LCORL: variants seen among roughly 807,000 people sequenced by gnomAD.
The protein encoded by LCORL is ligand-dependent nuclear receptor corepressor-like protein.
Under a neutral mutation model 141.8 loss-of-function variants are expected in LCORL, and 41 were observed. The ratio of observed to expected loss-of-function variants is 0.29; its 90% CI spans 0.23 to 0.38. The LOEUF is 0.38. Among genes scored for constraint, LCORL ranks in the 10% least tolerant of loss-of-function variants. The pLI, the probability that LCORL is intolerant of heterozygous loss-of-function variation, is 1.00. For missense variants in LCORL, 1,759 were observed against 2,035.0 expected (o/e 0.86, Z 2.61); for synonymous variants, 618 against 694.1 (o/e 0.89, Z 1.72).
intron 7 of LCORL, among the ~76,000 whole-genome samples, chr4:17,847,640 A>C (rs1723090385): frequency 6.6e-6 from 1 of 152,224 alleles, no homozygotes; most frequent in South Asian, 2.1e-4. Context: ...AAGAGATCCA[A>C]AGTACAGTAT....
rs1288965711 is a variant in LCORL, at chr4:18,021,701, G to A, written c.51C>T (p.Ala17=). 1.3e-6 allele frequency: 2 copies of A among 1,529,614 alleles called. No homozygotes were observed. Among genetic ancestry groups the A allele is most frequent in the East Asian group, 2.5e-5 (1 of 39,848 alleles). The allele number at this position is 1,529,614 out of a possible 1,614,324, so 94.8% of individuals were successfully genotyped here. Residue 17 remains alanine, a synonymous_variant, in exon 1 of 8, where the codon GCC becomes GCT. Transcript: ENST00000635767. The surrounding 1 kb of genome is among the most constrained non-coding windows in gnomAD (Gnocchi z 5.5). Reference sequence around the variant, plus strand: ...TCCGGCACTGAGCGGCGGCGGCGGCGGCGGCAGCAGCGGCGGCGGCAGCGG... The same window carrying A: ...TCCGGCACTGAGCGGCGGCGGCGGCAGCGGCAGCAGCGGCGGCGGCAGCGG...
chr4:17,853,198 A>G (rs569307092), intron 7 of LCORL, among the ~76,000 whole-genome samples: 6 of 152,166 alleles, frequency 3.9e-5, no homozygotes, highest in African/African-American at 1.2e-4. Flanking sequence ...TGTACTGCAT[A>G]CTAACTCTTG....
chr4:18,017,558 C>T (rs1280283389), intron 1 of LCORL, among the ~76,000 whole-genome samples: 1 of 152,048 alleles, frequency 6.6e-6, no homozygotes, highest in African/African-American at 2.4e-5. Context: ...AAATGCATAA[C>T]CAATCTAATC....
At chr4:17,883,608 T>C in intron 6 of LCORL, 2 of 1,376,182 alleles carry the variant, frequency 1.5e-6, no homozygotes, top group Non-Finnish European at 1.9e-6. Context: ...AGAGTGAGCA[T>C]TTGTAATTCC....
chr4:17,957,761 C>T (rs1275134877), intron 4 of LCORL, among the ~76,000 whole-genome samples: 1 of 151,934 alleles, frequency 6.6e-6, no homozygotes, highest in Non-Finnish European at 1.5e-5. Flanking sequence ...CTAAATGCAG[C>T]TCATAATGGT....
At chr4:17,897,937 C>T (rs1444617777) in intron 5 of LCORL, among the ~76,000 whole-genome samples, 2 of 152,124 alleles carry the variant, frequency 1.3e-5, no homozygotes, top group Non-Finnish European at 1.5e-5. Flanking sequence ...GTTTTCGTTG[C>T]TTATAGGCTA....
intron 7 of LCORL, among the ~76,000 whole-genome samples, chr4:17,855,800 C>T (rs1223667002): frequency 6.6e-6 from 1 of 152,172 alleles, no homozygotes; most frequent in Non-Finnish European, 1.5e-5. Context: ...ACATCCTAGC[C>T]TATCTGCCAA....
chr4:18,009,077 C>T (rs1723259151), intron 1 of LCORL, among the ~76,000 whole-genome samples: 1 of 151,986 alleles, frequency 6.6e-6, no homozygotes, highest in Non-Finnish European at 1.5e-5. Flanking sequence ...TGCTCCTAAG[C>T]CCCTTCTCAA....
At chr4:17,993,714 G>C (rs978130873) in intron 1 of LCORL, among the ~76,000 whole-genome samples, 5 of 152,118 alleles carry the variant, frequency 3.3e-5, no homozygotes, top group East Asian at 1.9e-4. Flanking sequence ...AACAGGATTA[G>C]CTTTACATTC....
chr4:17,842,527 A>ATTTT, exon 8 of LCORL: 1 of 637,418 alleles, frequency 1.6e-6, no homozygotes. Flanking sequence ...TATAGTCTAA[A>ATTTT]ATTCCATCAT....
chr4:18,003,408 G>T (rs1000876819), intron 1 of LCORL, among the ~76,000 whole-genome samples: 2 of 149,900 alleles, frequency 1.3e-5, no homozygotes, highest in African/African-American at 5.0e-5. Flanking sequence ...ATAAGTAAAA[G>T]ATTACTTTCA....
intron 1 of LCORL, among the ~76,000 whole-genome samples, chr4:18,004,070 G>A (rs1178189696): frequency 2.0e-5 from 3 of 152,084 alleles, no homozygotes; most frequent in African/African-American, 7.2e-5. Flanking sequence ...TAAGTAGAAG[G>A]GAACTCCATT....
chr4:18,011,734 A>C (rs1368120004), intron 1 of LCORL, among the ~76,000 whole-genome samples: 1 of 152,178 alleles, frequency 6.6e-6, no homozygotes, highest in Non-Finnish European at 1.5e-5. Flanking sequence ...TTATTAATTT[A>C]TGTCTTTCTT....
chr4:18,005,067 G>A (rs2109844425), intron 1 of LCORL, among the ~76,000 whole-genome samples: 1 of 152,144 alleles, frequency 6.6e-6, no homozygotes, highest in African/African-American at 2.4e-5. Context: ...ACAGGTGCCT[G>A]CCACCACACC....
intron 1 of LCORL, among the ~76,000 whole-genome samples, chr4:18,001,849 A>AC (rs1273349416): frequency 6.6e-6 from 1 of 152,084 alleles, no homozygotes; most frequent in Non-Finnish European, 1.5e-5. Context: ...AATAAAACAA[A>AC]TTTTTTTTAA....
chr4:17,942,761 A>G (rs1187281620), intron 4 of LCORL, among the ~76,000 whole-genome samples: 1 of 152,190 alleles, frequency 6.6e-6, no homozygotes, highest in Non-Finnish European at 1.5e-5. Flanking sequence ...TAAAGATTAT[A>G]TATTTCTTGG....
chr4:17,937,459 AT>A (rs915827912), intron 4 of LCORL, among the ~76,000 whole-genome samples: 1 of 152,242 alleles, frequency 6.6e-6, no homozygotes, highest in African/African-American at 2.4e-5. Context: ...ATTTGTCACA[AT>A]AGAATATAAG....
rs376566994 is a variant in LCORL at position 17,843,310 on chromosome 4, A to G, written c.*2578T>C. The G allele has an allele frequency of 1.9e-6, 3 of 1,611,440 alleles. No individual in the cohort carries two copies. In the South Asian group the frequency reaches 3.3e-5, roughly 18 times the overall value. On this transcript the variant is annotated 3_prime_UTR_variant, in exon 8 of 8. Coordinates refer to ENST00000635767, the Ensembl canonical transcript of LCORL. Reference sequence around the variant, plus strand: ...TTTCAACATCTATTTAGTGATCATGAAGTTCCAGAACCAGAATCAGAAATG... The same window carrying G: ...TTTCAACATCTATTTAGTGATCATGGAGTTCCAGAACCAGAATCAGAAATG...
At chr4:18,015,654 A>G (rs1379190216) in intron 1 of LCORL, among the ~76,000 whole-genome samples, 1 of 151,972 alleles carries the variant, frequency 6.6e-6, no homozygotes, top group Non-Finnish European at 1.5e-5. Flanking sequence ...AGACCCATCC[A>G]TACCAGTCCC....
Sources: allele counts gnomAD v4.1 joint callset (sites outside exome capture counted in the v4.1 genomes callset), GRCh38; gene constraint gnomAD v4.1.1; non-coding constraint Gnocchi (gnomAD v3.1); transcripts MANE v1.5; gene names NCBI Gene and HGNC (gene_info 2026-07-23, HGNC 2026-07-21).